DDX10: variants seen among roughly 807,000 people sequenced by gnomAD.
DDX10 encodes the protein probable ATP-dependent RNA helicase DDX10.
DDX10 carries 74 observed loss-of-function variants against 104.3 expected under a neutral mutation model. The ratio of observed to expected loss-of-function variants is 0.71; its 90% CI spans 0.59 to 0.86. The LOEUF (loss-of-function observed/expected upper bound fraction) is 0.86. DDX10 is among the 40% of genes least tolerant of loss of function. DDX10 has a pLI of 0.00. For missense variants in DDX10, 952 were observed against 1,040.0 expected (o/e 0.92, Z 1.16); for synonymous variants, 351 against 353.4 (o/e 0.99, Z 0.08).
At chr11:108,710,596 T>A (rs4754348) in intron 10 of DDX10, among the ~76,000 whole-genome samples, 18,654 of 152,162 alleles carry the variant, frequency 0.12, 1,557 homozygotes, top group East Asian at 0.27. Context: ...CAATGCCTCC[T>A]TCTTTAGTAC....
At chr11:108,756,729 A>G (rs1038258905) in intron 13 of DDX10, among the ~76,000 whole-genome samples, 2 of 152,050 alleles carry the variant, frequency 1.3e-5, no homozygotes, top group African/African-American at 4.8e-5. Flanking sequence ...TAAAGCAAAT[A>G]AGGTAGTGTT....
At chr11:108,795,768 T>C (rs7932886) in intron 13 of DDX10, among the ~76,000 whole-genome samples, 6,485 of 152,192 alleles carry the variant, frequency 0.043, 384 homozygotes, top group African/African-American at 0.13. Flanking sequence ...TGGTTCCAAG[T>C]CTTTGCTATT....
chr11:108,668,957 C>T (rs1487981562), intron 1 of DDX10, among the ~76,000 whole-genome samples: 1 of 152,136 alleles, frequency 6.6e-6, no homozygotes, highest in African/African-American at 2.4e-5. Flanking sequence ...TTCCCTTCCT[C>T]CTGGTGGTTG....
chr11:108,903,880 AAC>A (rs754516642), intron 16 of DDX10, among the ~76,000 whole-genome samples: 71 of 152,090 alleles, frequency 4.7e-4, no homozygotes, highest in Non-Finnish European at 8.5e-4. Context: ...TGCTGCTATG[AAC>A]GTTTATGTGC....
chr11:108,714,489 A>G (rs932977962), intron 10 of DDX10, among the ~76,000 whole-genome samples: 3 of 150,466 alleles, frequency 2.0e-5, no homozygotes, highest in Admixed American at 1.3e-4. Context: ...ATGACTTACA[A>G]GCTCCATCCA....
At chr11:108,712,246 C>T (rs2094285390) in intron 10 of DDX10, among the ~76,000 whole-genome samples, 1 of 152,002 alleles carries the variant, frequency 6.6e-6, no homozygotes, top group Non-Finnish European at 1.5e-5. Flanking sequence ...TTTTTTGATC[C>T]ACTCTGACAA....
At chr11:108,692,097 A>C in intron 8 of DDX10, 59 bp downstream of exon 8, 1 of 1,483,380 alleles carries the variant, frequency 6.7e-7, no homozygotes, top group Non-Finnish European at 9.1e-7. Context: ...TTTGCTTATA[A>C]AGTATATTTT....
intron 16 of DDX10, among the ~76,000 whole-genome samples, chr11:108,876,999 A>ACTT (rs908716198): frequency 1.9e-4 from 29 of 152,232 alleles, no homozygotes; most frequent in African/African-American, 5.8e-4. Flanking sequence ...AACCTTTACT[A>ACTT]CTTCTTGGGT....
chr11:108,712,235 G>A (rs1388938031), intron 10 of DDX10, among the ~76,000 whole-genome samples: 1 of 152,142 alleles, frequency 6.6e-6, no homozygotes, highest in Admixed American at 6.5e-5. Context: ...GTTGGGTCTT[G>A]TTTTTTGATC....
chr11:108,727,459 C>T (rs2094306732), intron 13 of DDX10, among the ~76,000 whole-genome samples: 1 of 152,114 alleles, frequency 6.6e-6, no homozygotes, highest in South Asian at 2.1e-4. Flanking sequence ...TGTCCCTTGT[C>T]ACACACAGTT....
At chr11:108,755,191 C>T (rs770066969) in intron 13 of DDX10, among the ~76,000 whole-genome samples, 4 of 152,004 alleles carry the variant, frequency 2.6e-5, no homozygotes, top group Admixed American at 6.6e-5. Context: ...AAAGAGAGAA[C>T]GTGCTCTTAA....
intron 17 of DDX10, among the ~76,000 whole-genome samples, chr11:108,925,587 TGCACTCATGCCTAATG>T (rs1186198715): frequency 6.6e-6 from 1 of 152,226 alleles, no homozygotes; most frequent in Non-Finnish European, 1.5e-5. Flanking sequence ...TCACATAGAA[TGCACTCATGCCTAATG>T]ACTGCAAACT....
chr11:108,809,551 G>A (rs1296470619), intron 13 of DDX10, among the ~76,000 whole-genome samples: 1 of 152,200 alleles, frequency 6.6e-6, no homozygotes, highest in Non-Finnish European at 1.5e-5. Flanking sequence ...ACCAATAAAG[G>A]TGAAGGTAAG....
At chr11:108,677,961 A>G (rs575562752) in intron 4 of DDX10, among the ~76,000 whole-genome samples, 14 of 152,142 alleles carry the variant, frequency 9.2e-5, no homozygotes, top group African/African-American at 2.9e-4. Flanking sequence ...AGTCTGTTCA[A>G]TGTCCCTGGG....
intron 16 of DDX10, among the ~76,000 whole-genome samples, chr11:108,879,723 A>G (rs2134630821): frequency 6.6e-6 from 1 of 152,308 alleles, no homozygotes; most frequent in East Asian, 1.9e-4. Flanking sequence ...TGACATTAGA[A>G]ATAGAATAAG....
intron 13 of DDX10, among the ~76,000 whole-genome samples, chr11:108,764,894 A>G (rs868640832): frequency 6.6e-6 from 1 of 152,214 alleles, no homozygotes; most frequent in Non-Finnish European, 1.5e-5. Flanking sequence ...AGTGTAAATT[A>G]TGGCATAAAA....
At chr11:108,802,528 T>C (rs1862035985) in intron 13 of DDX10, among the ~76,000 whole-genome samples, 1 of 152,246 alleles carries the variant, frequency 6.6e-6, no homozygotes, top group Admixed American at 6.5e-5. Context: ...AGCAGCCTAT[T>C]ATTTTCCCTC....
At chr11:108,904,255 A>G (rs145007572) in intron 16 of DDX10, among the ~76,000 whole-genome samples, 198 of 152,308 alleles carry the variant, frequency 1.3e-3, no homozygotes, top group African/African-American at 4.7e-3. Context: ...AAGGAAAACA[A>G]TAGTTTTTGG....
chr11:108,791,827 G>A (rs1369426308), intron 13 of DDX10, among the ~76,000 whole-genome samples: 1 of 152,202 alleles, frequency 6.6e-6, no homozygotes, highest in East Asian at 1.9e-4. Context: ...TTAGTTATAT[G>A]ATAGTTAGTG....
Sources: gnomAD v4.1 joint callset for allele counts (sites outside exome capture counted in the v4.1 genomes callset) on GRCh38, gnomAD v4.1.1 for gene constraint, MANE v1.5 for transcripts, NCBI Gene and HGNC (gene_info 2026-07-23, HGNC 2026-07-21) for gene names.